The following INTS6 variants were observed in gnomAD, a reference collection of about 807,000 sequenced individuals.
INTS6 encodes integrator complex subunit 6, also known as DEAD box protein.
Under a neutral mutation model 104.9 loss-of-function variants are expected in INTS6, and 16 were observed. The observed-to-expected ratio is 0.15, with a 90% CI of 0.10 to 0.23. INTS6 has a LOEUF of 0.23. Ranked by LOEUF, INTS6 falls within the 10% of genes least tolerant of loss-of-function variation. The probability of loss-of-function intolerance (pLI) is 1.00; values close to 1 mark genes in which losing one functional copy is unlikely to be tolerated. For synonymous variants in INTS6, 324 were observed against 358.7 expected, an observed-to-expected ratio of 0.90 and a Z score of 1.09; for missense variants, 584 against 1,062.8, an observed-to-expected ratio of 0.55 and a Z score of 6.26.
chr13:51,379,135 G>GT (rs201881459), intron 11 of INTS6, among the ~76,000 whole-genome samples: 36 of 148,424 alleles, frequency 2.4e-4, no homozygotes, highest in East Asian at 1.6e-3. Context: ...AACATAAAGA[G>GT]TTTTTTTTTT....
intron 4 of INTS6, among the ~76,000 whole-genome samples, chr13:51,399,986 T>C (rs1212783495): frequency 6.6e-6 from 1 of 152,184 alleles, no homozygotes; most frequent in Admixed American, 6.5e-5. Flanking sequence ...CAGCAGGAAG[T>C]GAGCAGTGGG....
rs1281060337 is a variant in INTS6, at chr13:51,390,894, G to A, written c.614-1450C>T. Among the ~76,000 whole-genome samples the A allele has an allele frequency of 2.0e-5, 3 of 151,994 alleles. No individual in the cohort carries two copies. In the East Asian group the frequency reaches 5.8e-4, roughly 29 times the overall value. On this transcript the variant is annotated intron_variant, in intron 5 of 17. Transcript: ENST00000311234. ...TCTTTAATCTCAGCAACAATTGTATGGGTTATTTTCCCCATTTTACAAATG... is the reference window on the plus strand; with the variant it reads ...TCTTTAATCTCAGCAACAATTGTATAGGTTATTTTCCCCATTTTACAAATG...
At chr13:51,344,790 G>A in the INTS6 span, among the ~76,000 whole-genome samples, 1 of 152,154 alleles carries the variant, frequency 6.6e-6, no homozygotes, top group African/African-American at 2.4e-5. Flanking sequence ...GGACCCCACA[G>A]GCTTTCTCCC....
intron 4 of INTS6, among the ~76,000 whole-genome samples, chr13:51,398,975 A>T (rs965378269): frequency 6.6e-6 from 1 of 152,194 alleles, no homozygotes; most frequent in Admixed American, 6.5e-5. Context: ...ACAAATTTTC[A>T]CAAGTTGAAT....
At chr13:51,447,099 A>G (rs1346683978) in intron 3 of INTS6, 2 of 152,236 alleles carry the variant, frequency 1.3e-5, no homozygotes, top group African/African-American at 4.8e-5. Context: ...ACTATTCATC[A>G]TTGTGTTTCC....
the INTS6 span, among the ~76,000 whole-genome samples, chr13:51,348,968 C>T: frequency 0.02 from 3,118 of 152,246 alleles, 53 homozygotes; most frequent in African/African-American, 0.048. Context: ...TTTAAGAAGA[C>T]CCAATAGGTA....
At position 51,389,458 on chromosome 13, in the gene INTS6, AAAG is replaced by A. The variant is rs368336972; in HGVS notation, c.614-17_614-15del. The A allele has an allele frequency of 0.029, 45,336 of 1,567,316 alleles. 720 individuals are homozygous for A. The highest frequency in any genetic ancestry group is 0.054 in the South Asian group (4,481 of 83,430). ...AATATGAACGGCCTGAGATTAAAAA[AAAG>A]AAGAAGAAGAAGAAGAAGAATATAG... On this transcript the variant is annotated splice_polypyrimidine_tract_variant and intron_variant, in intron 5 of 17. Transcript: ENST00000311234.
intron 4 of INTS6, among the ~76,000 whole-genome samples, chr13:51,404,103 C>CACACACACACACACAGAG (rs1491389220): frequency 5.8e-5 from 6 of 103,970 alleles, no homozygotes; most frequent in South Asian, 3.4e-4. Flanking sequence ...CACACACACA[C>CACACACACACACACAGAG]AGAGAGAGAG....
chr13:51,446,763 A>G (rs1952927802), intron 3 of INTS6: 1 of 152,256 alleles, frequency 6.6e-6, no homozygotes. Flanking sequence ...ATATAAATGA[A>G]TGTTGAGAAC....
At position 51,425,038 on chromosome 13, in the gene INTS6, G is replaced by A. The variant is rs140248608; in HGVS notation, c.429+5256C>T. Among the ~76,000 whole-genome samples, 158 of 152,082 alleles carry A rather than the reference G, an allele frequency of 1.0e-3. 1 individual carries two copies. The highest frequency in any genetic ancestry group is 3.7e-3 in the African/African-American group (155 of 41,524). On this transcript the variant is annotated intron_variant, in intron 4 of 17. Transcript: ENST00000311234. ...AAAACATTTTATGGGAGGTAGGGGA[G>A]GGAGCTGTGGTTTTTTAATCATTTC...
chr13:51,358,725 A>G (rs529050877), downstream of INTS6, among the ~76,000 whole-genome samples: 6 of 152,222 alleles, frequency 3.9e-5, no homozygotes, highest in African/African-American at 1.4e-4. Flanking sequence ...ATAGTCTAAA[A>G]AGGAAGGTAA....
Position 51,363,249 on chromosome 13 carries a change from A to G in INTS6, c.*2503T>C, listed in dbSNP as rs1955618127. The G allele has an allele frequency of 6.6e-6, 1 of 151,970 alleles. No homozygotes were observed. The highest frequency in any genetic ancestry group is 1.5e-5 in the Non-Finnish European group (1 of 67,906). The allele number at this position is 151,970 out of a possible 1,614,324, so 9.4% of individuals were successfully genotyped here. On this transcript the variant is annotated 3_prime_UTR_variant, in exon 18 of 18. Transcript: ENST00000311234. Reference sequence around the variant, plus strand: ...TATTTCAATGGTAGGAGTTTTCAGAACTGCCTCAGTAATCAGAATGAAAAT... The same window carrying G: ...TATTTCAATGGTAGGAGTTTTCAGAGCTGCCTCAGTAATCAGAATGAAAAT...
At chr13:51,397,443 G>C (rs1956359206) in intron 4 of INTS6, among the ~76,000 whole-genome samples, 1 of 152,174 alleles carries the variant, frequency 6.6e-6, no homozygotes, top group Non-Finnish European at 1.5e-5. Context: ...GAAGGCAGAA[G>C]CAACAGAGAA....
intron 15 of INTS6, among the ~76,000 whole-genome samples, chr13:51,371,754 C>T (rs1955810450): frequency 6.6e-6 from 1 of 151,950 alleles, no homozygotes; most frequent in Admixed American, 6.6e-5. Context: ...TCTGACTTTC[C>T]CAATATCCCC....
intron 10 of INTS6, among the ~76,000 whole-genome samples, chr13:51,381,104 C>A (rs1420088330): frequency 6.6e-6 from 1 of 152,012 alleles, no homozygotes; most frequent in Admixed American, 6.6e-5. Flanking sequence ...AAAGTATATA[C>A]ATATTAAGTA....
chr13:51,406,604 TC>T (rs918528141), intron 4 of INTS6, among the ~76,000 whole-genome samples: 1 of 152,058 alleles, frequency 6.6e-6, no homozygotes, highest in Non-Finnish European at 1.5e-5. Flanking sequence ...ACAACAATGC[TC>T]CAACGGAGAC....
rs139037514 is a variant in INTS6, at chr13:51,369,201, T to C, written c.2214A>G (p.Ala738=). ...TPNAMDTEFS[A]SSPASLLERP... is the part of the protein sequence containing the mutation. ...GTTCCAGTAAACTGGCTGGAGAAGA[T>C]GCTGAAAATTCCGTATCCATAGCAT... Residue 738 remains alanine (A), a synonymous_variant, in exon 16 of 18, where the codon GCA becomes GCG. Coordinates refer to ENST00000311234, the MANE Select transcript of INTS6 (RefSeq NM_012141.3). 36 of 1,613,754 alleles carry C rather than the reference T, an allele frequency of 2.2e-5. No individual in the cohort carries two copies. Among genetic ancestry groups the C allele is most frequent in the Non-Finnish European group, 3.1e-5 (36 of 1,179,858 alleles).
chr13:51,356,566 G>A (rs542174498), downstream of INTS6, among the ~76,000 whole-genome samples: 1 of 152,006 alleles, frequency 6.6e-6, no homozygotes, highest in African/African-American at 2.4e-5. Flanking sequence ...GAATCACTAG[G>A]GCTTACTGAC....
intron 3 of INTS6, among the ~76,000 whole-genome samples, chr13:51,431,886 G>A (rs897798596): frequency 6.6e-6 from 1 of 152,090 alleles, no homozygotes; most frequent in Admixed American, 6.5e-5. Context: ...CTTTTCCTCT[G>A]TAATATTCAT....
Sources: gnomAD v4.1 joint callset for allele counts (sites outside exome capture counted in the v4.1 genomes callset) on GRCh38, gnomAD v4.1.1 for gene constraint, MANE v1.5 for transcripts, NCBI Gene and HGNC (gene_info 2026-07-23, HGNC 2026-07-21) for gene names.